Variants in AUTS2 observed in about 807,000 individuals in gnomAD.
The protein encoded by AUTS2 is activator of transcription and developmental regulator AUTS2, also known as autism susceptibility gene 2 protein.
Under a neutral mutation model 112.4 loss-of-function variants are expected in AUTS2, and 17 were observed. The ratio of observed to expected loss-of-function variants is 0.15; its 90% CI spans 0.10 to 0.23. The LOEUF (loss-of-function observed/expected upper bound fraction) is 0.23. AUTS2 is among the 10% of genes least tolerant of loss of function. The pLI, the probability that AUTS2 is intolerant of heterozygous loss-of-function variation, is 1.00. For synonymous variants in AUTS2, 751 were observed against 702.7 expected (o/e 1.07, Z -1.09); for missense variants, 1,510 against 1,701.6 (o/e 0.89, Z 1.98).
At chr7:69,903,118 CT>C (rs988428440) in intron 2 of AUTS2, among the ~76,000 whole-genome samples, 6 of 151,570 alleles carry the variant, frequency 4.0e-5, no homozygotes, top group African/African-American at 1.5e-4. Flanking sequence ...GGACATGGTA[CT>C]TTTTTTTTCT....
chr7:69,920,660 A>G (rs551200080), intron 2 of AUTS2, among the ~76,000 whole-genome samples: 49 of 152,262 alleles, frequency 3.2e-4, no homozygotes, highest in Middle Eastern at 3.4e-3. Flanking sequence ...ATCCTTCCCT[A>G]TACCCTATTT....
chr7:69,888,540 GATATATATATATATATATAT>G (rs60804022), intron 1 of AUTS2, among the ~76,000 whole-genome samples: 6 of 99,256 alleles, frequency 6.0e-5, no homozygotes, highest in African/African-American at 8.5e-5. Context: ...CAACATTGGG[GATATATATATATATATATAT>G]ATATATATAT....
intron 2 of AUTS2, among the ~76,000 whole-genome samples, chr7:70,017,945 G>C (rs987789987): frequency 1.3e-5 from 2 of 151,560 alleles, no homozygotes; most frequent in African/African-American, 2.4e-5. Context: ...AGTGAGGCAT[G>C]GAGAGGTTAA....
At chr7:69,613,020 C>T (rs1793130709) in intron 1 of AUTS2, among the ~76,000 whole-genome samples, 1 of 152,106 alleles carries the variant, frequency 6.6e-6, no homozygotes, top group Admixed American at 6.5e-5. Context: ...ATTCGTTATC[C>T]CATTGACGCA....
At chr7:70,599,743 G>A (rs958589873) in intron 5 of AUTS2, among the ~76,000 whole-genome samples, 1 of 152,174 alleles carries the variant, frequency 6.6e-6, no homozygotes, top group African/African-American at 2.4e-5. Flanking sequence ...TACAGGCCCA[G>A]TGACAGTCAT....
rs77770727 is a variant in AUTS2, at chr7:70,433,750, A to G, written c.661-2002A>G. On this transcript the variant is annotated intron_variant, in intron 4 of 18. Coordinates refer to ENST00000342771, the MANE Select transcript of AUTS2 (RefSeq NM_015570.4). ...CAATGGGAGAAGTAGAAAATGTTCT[A>G]ATCCTCCAGTCTATAAGACTGTGAT... is the stretch of plus-strand genomic sequence containing the variant. 1.6e-3 allele frequency among the ~76,000 whole-genome samples: 242 copies of G among 152,316 alleles called. 2 individuals carry two copies. Among genetic ancestry groups the G allele is most frequent in the Middle Eastern group, 0.014 (4 of 294 alleles).
chr7:69,847,153 A>T (rs1327411497), intron 1 of AUTS2, among the ~76,000 whole-genome samples: 1 of 152,182 alleles, frequency 6.6e-6, no homozygotes, highest in Non-Finnish European at 1.5e-5. Flanking sequence ...CTGTCTTTCA[A>T]GCTGGCTTAA....
chr7:70,453,124 G>A (rs1269286925), intron 5 of AUTS2, among the ~76,000 whole-genome samples: 1 of 152,032 alleles, frequency 6.6e-6, no homozygotes, highest in Non-Finnish European at 1.5e-5. Context: ...GCTTTCAGGG[G>A]TCCTAATGTG....
intron 1 of AUTS2, among the ~76,000 whole-genome samples, chr7:69,738,741 A>C (rs972572989): frequency 2.6e-5 from 4 of 152,140 alleles, no homozygotes; most frequent in African/African-American, 9.7e-5. Flanking sequence ...TTGATGCCAG[A>C]ATCAAAATGA....
rs114829848 is a variant in AUTS2, at chr7:69,826,607, G to A, written c.310-72679G>A. Among the ~76,000 whole-genome samples, 408 of 152,246 alleles carry A rather than the reference G, an allele frequency of 2.7e-3. 4 individuals carry two copies. The highest frequency in any genetic ancestry group is 9.3e-3 in the African/African-American group (388 of 41,550). ...CCTCTGTAGAGCACAGTTGATAGAC[G>A]GGAATATACACTTGATGTAGTCAAG... On this transcript the variant is annotated intron_variant, in intron 1 of 18. Transcript: ENST00000342771.
intron 5 of AUTS2, among the ~76,000 whole-genome samples, chr7:70,632,570 T>C (rs779534740): frequency 6.6e-6 from 1 of 151,944 alleles, no homozygotes; most frequent in Non-Finnish European, 1.5e-5. Context: ...TCTGTGAATC[T>C]GAGGTTCTAA....
intron 1 of AUTS2, among the ~76,000 whole-genome samples, chr7:69,720,451 G>A (rs1029690457): frequency 3.9e-5 from 6 of 152,148 alleles, no homozygotes; most frequent in African/African-American, 1.4e-4. Flanking sequence ...AAAGATTTGT[G>A]TGAGAATTGG....
intron 6 of AUTS2, among the ~76,000 whole-genome samples, chr7:70,707,913 G>A (rs1809825463): frequency 6.6e-6 from 1 of 152,206 alleles, no homozygotes; most frequent in Admixed American, 6.5e-5. Flanking sequence ...AATCTGTGCT[G>A]TTAACAGGGA....
chr7:69,794,640 C>T (rs1397417758), intron 1 of AUTS2, among the ~76,000 whole-genome samples: 1 of 152,102 alleles, frequency 6.6e-6, no homozygotes, highest in Admixed American at 6.5e-5. Flanking sequence ...CATTTGTCTA[C>T]TTGGTACCTG....
chr7:70,780,378 CAG>C (rs1252529075), intron 14 of AUTS2, among the ~76,000 whole-genome samples: 1 of 151,708 alleles, frequency 6.6e-6, no homozygotes, highest in Admixed American at 6.6e-5. Flanking sequence ...TAAGACAAAA[CAG>C]AGTGATTTCT....
chr7:70,298,510 T>A lies in AUTS2; in HGVS notation c.661-137242T>A, dbSNP rs114336695. ...TTATCACTAGATGTTCCCATGCAGG[T>A]TGAGAGAGATTATTTCTGTTCTGTT... is the stretch of plus-strand genomic sequence containing the variant. On this transcript the variant is annotated intron_variant, in intron 4 of 18. Transcript: ENST00000342771. Among the ~76,000 whole-genome samples the A allele has an allele frequency of 2.3e-3, 351 of 152,258 alleles. 1 individual carries two copies. Among genetic ancestry groups the A allele is most frequent in the African/African-American group, 8.1e-3 (335 of 41,554 alleles).
chr7:70,140,214 T>C (rs577024438), intron 4 of AUTS2, among the ~76,000 whole-genome samples: 77 of 152,300 alleles, frequency 5.1e-4, no homozygotes, highest in African/African-American at 1.7e-3. Context: ...TCATAGATCA[T>C]GTTGTGTGCT....
At chr7:70,774,175 C>A in intron 12 of AUTS2, 76 bp downstream of exon 12, 1 of 1,359,682 alleles carries the variant, frequency 7.4e-7, no homozygotes, top group South Asian at 1.2e-5. Flanking sequence ...GCCCAGTGCT[C>A]GCATCTTCCT....
chr7:70,446,941 C>T (rs1796342439), intron 5 of AUTS2, among the ~76,000 whole-genome samples: 1 of 152,194 alleles, frequency 6.6e-6, no homozygotes, highest in Non-Finnish European at 1.5e-5. Context: ...GCCTTGTGTA[C>T]ATAACCAGGT....
Sources: allele counts gnomAD v4.1 joint callset (sites outside exome capture counted in the v4.1 genomes callset), GRCh38; gene constraint gnomAD v4.1.1; transcripts MANE v1.5; gene names NCBI Gene and HGNC (gene_info 2026-07-23, HGNC 2026-07-21).